PEPD: variants seen among roughly 807,000 people sequenced by gnomAD.
PEPD encodes the protein xaa-Pro dipeptidase.
In PEPD, 53 loss-of-function variants were observed where a neutral mutation model predicts 60.7. The observed-to-expected ratio is 0.87, with a 90% CI of 0.70 to 1.10. The LOEUF (loss-of-function observed/expected upper bound fraction) is 1.10. PEPD is among the 50% of genes least tolerant of loss of function. PEPD has a pLI of 0.00. For missense variants in PEPD, 711 were observed against 711.9 expected, an observed-to-expected ratio of 1.00 and a Z score of 0.01; for synonymous variants, 267 against 284.1, an observed-to-expected ratio of 0.94 and a Z score of 0.60.
At chr19:33,447,026 C>A (rs974543967) in intron 9 of PEPD, among the ~76,000 whole-genome samples, 2 of 152,240 alleles carry the variant, frequency 1.3e-5, no homozygotes, top group African/African-American at 4.8e-5. Flanking sequence ...CAATGAACTG[C>A]GGTCACCTTG....
In PEPD at chr19:33,411,749, A is replaced by G; in HGVS notation, c.741T>C (p.Ser247=). 6.3e-7 allele frequency: 1 copy of G among 1,597,110 alleles called. No homozygotes were observed. Among genetic ancestry groups the G allele is most frequent in the Non-Finnish European group, 8.6e-7 (1 of 1,165,302 alleles). The part of the protein sequence containing the change: ...RHSSYTCICG[S]GENSAVLHYG... ...AGTGTAGCACGGCTGAGTTCTCACCACTGCAAAGAGCCGGGGGAGGGTGAT... is the reference window on the plus strand; with the variant it reads ...AGTGTAGCACGGCTGAGTTCTCACCGCTGCAAAGAGCCGGGGGAGGGTGAT... Residue 247 remains serine (S), a splice_region_variant and synonymous_variant, in exon 11 of 15, where the codon AGT becomes AGC. Transcript: ENST00000244137.
intron 9 of PEPD, among the ~76,000 whole-genome samples, chr19:33,426,722 C>T (rs1969158511): frequency 6.6e-6 from 1 of 152,242 alleles, no homozygotes; most frequent in South Asian, 2.1e-4. Context: ...CTGGAGGGAA[C>T]CAGGAGGAGC....
At chr19:33,465,853 C>T (rs1024350129) in intron 7 of PEPD, among the ~76,000 whole-genome samples, 2 of 152,072 alleles carry the variant, frequency 1.3e-5, no homozygotes, top group African/African-American at 4.8e-5. Flanking sequence ...AAACTACTAA[C>T]CAAATACAGA....
At chr19:33,415,537 A>G (rs1968872666) in intron 9 of PEPD, among the ~76,000 whole-genome samples, 1 of 152,134 alleles carries the variant, frequency 6.6e-6, no homozygotes, top group African/African-American at 2.4e-5. Flanking sequence ...CAATACAAGA[A>G]AAAAACATCA....
At chr19:33,466,064 T>C (rs1970012671) in intron 7 of PEPD, among the ~76,000 whole-genome samples, 1 of 152,196 alleles carries the variant, frequency 6.6e-6, no homozygotes, top group African/African-American at 2.4e-5. Flanking sequence ...ACAGCAAGCC[T>C]AGAAAGCAAT....
intron 1 of PEPD, among the ~76,000 whole-genome samples, chr19:33,513,472 C>G (rs1253958487): frequency 6.6e-6 from 1 of 152,140 alleles, no homozygotes; most frequent in African/African-American, 2.4e-5. Context: ...GGCCTCCTAT[C>G]TCATCCCACC....
At chr19:33,501,965 A>G (rs1305261452) in intron 3 of PEPD, among the ~76,000 whole-genome samples, 1 of 152,200 alleles carries the variant, frequency 6.6e-6, no homozygotes, top group Non-Finnish European at 1.5e-5. Context: ...GCCAGTGAGA[A>G]GACACAGAAT....
intron 9 of PEPD, among the ~76,000 whole-genome samples, chr19:33,432,878 G>A (rs1969302795): frequency 6.6e-6 from 1 of 152,224 alleles, no homozygotes; most frequent in Non-Finnish European, 1.5e-5. Context: ...TGGAGATGGT[G>A]GCAGTGACAT....
At chr19:33,401,062 G>A (rs1968477475) in intron 12 of PEPD, among the ~76,000 whole-genome samples, 1 of 152,292 alleles carries the variant, frequency 6.6e-6, no homozygotes, top group Admixed American at 6.5e-5. Flanking sequence ...TACCAGTGGG[G>A]CCTGTGCAGG....
At chr19:33,415,815 A>T (rs1194101296) in intron 9 of PEPD, among the ~76,000 whole-genome samples, 1 of 152,236 alleles carries the variant, frequency 6.6e-6, no homozygotes. Flanking sequence ...AGTTGAAAAG[A>T]GGAGGAGCAC....
chr19:33,507,933 T>C (rs1970844821), intron 3 of PEPD, among the ~76,000 whole-genome samples: 1 of 151,966 alleles, frequency 6.6e-6, no homozygotes, highest in Non-Finnish European at 1.5e-5. Flanking sequence ...GACACAAGGC[T>C]CTACCTCTCA....
intron 9 of PEPD, among the ~76,000 whole-genome samples, chr19:33,419,691 A>C (rs1390548607): frequency 1.3e-5 from 2 of 152,234 alleles, no homozygotes; most frequent in Non-Finnish European, 2.9e-5. Flanking sequence ...TCAACTCCAT[A>C]AACACTGGCA....
intron 7 of PEPD, among the ~76,000 whole-genome samples, chr19:33,469,232 C>T (rs573688085): frequency 6.6e-6 from 1 of 152,286 alleles, no homozygotes; most frequent in East Asian, 1.9e-4. Context: ...CTGTAGACTC[C>T]TCAGCCCTGT....
At chr19:33,488,615 G>A (rs935940698) in intron 6 of PEPD, among the ~76,000 whole-genome samples, 5 of 152,270 alleles carry the variant, frequency 3.3e-5, no homozygotes, top group South Asian at 2.1e-4. Context: ...CGTGGGAGGC[G>A]GGGCCGCTTT....
chr19:33,406,135 A>G (rs1353766181), intron 11 of PEPD, among the ~76,000 whole-genome samples: 2 of 152,232 alleles, frequency 1.3e-5, no homozygotes, highest in African/African-American at 4.8e-5. Context: ...GCGTCAGGGC[A>G]GTGGCCTTGG....
intron 12 of PEPD, among the ~76,000 whole-genome samples, chr19:33,391,734 C>T (rs1395186217): frequency 6.6e-6 from 1 of 152,178 alleles, no homozygotes; most frequent in Admixed American, 6.5e-5. Context: ...GGGGCAGGTT[C>T]CTGTCACCTG....
At chr19:33,513,661 A>G (rs184551488) in intron 1 of PEPD, among the ~76,000 whole-genome samples, 257 of 151,494 alleles carry the variant, frequency 1.7e-3, no homozygotes, top group African/African-American at 6.0e-3. Flanking sequence ...CCCAGCACAC[A>G]CTCCCTGCCC....
In PEPD at chr19:33,431,469, A is replaced by C. The variant is rs548115134; in HGVS notation, c.672-17826T>G. Among the ~76,000 whole-genome samples, 11 of 152,308 alleles carry C rather than the reference A, an allele frequency of 7.2e-5. No homozygotes were observed. The South Asian group carries it at 2.3e-3, about 32-fold the overall frequency. Reference sequence around the variant, plus strand: ...AACAAAGCAAAGATTTCCTCTCTTCATTCCGCCCAAGACAAAGCATCTGAA... The same window carrying C: ...AACAAAGCAAAGATTTCCTCTCTTCCTTCCGCCCAAGACAAAGCATCTGAA... On this transcript the variant is annotated intron_variant, in intron 9 of 14. Transcript: ENST00000244137.
At chr19:33,403,575 T>C (rs888899817) in intron 11 of PEPD, among the ~76,000 whole-genome samples, 1 of 152,024 alleles carries the variant, frequency 6.6e-6, no homozygotes, top group Non-Finnish European at 1.5e-5. Flanking sequence ...TCCTGTCCCA[T>C]GGGAGGGAGC....
Sources: allele counts gnomAD v4.1 joint callset (sites outside exome capture counted in the v4.1 genomes callset), GRCh38; gene constraint gnomAD v4.1.1; transcripts MANE v1.5; gene names NCBI Gene and HGNC (gene_info 2026-07-23, HGNC 2026-07-21).